DNAJC6: variants seen among roughly 807,000 people sequenced by gnomAD.
The protein encoded by DNAJC6 is auxilin.
DNAJC6 carries 34 observed loss-of-function variants against 110.0 expected under a neutral mutation model. That is an observed-to-expected ratio of 0.31 (90% CI 0.24 to 0.41). The LOEUF (loss-of-function observed/expected upper bound fraction) is 0.41, where lower values mean the gene tolerates loss of function less well. Ranked by LOEUF, DNAJC6 falls within the 10% of genes least tolerant of loss-of-function variation. The pLI is 1.00. For synonymous variants in DNAJC6, 406 were observed against 437.2 expected (o/e 0.93, Z 0.89); for missense variants, 1,031 against 1,207.8 (o/e 0.85, Z 2.17).
intron 15 of DNAJC6, among the ~76,000 whole-genome samples, chr1:65,404,340 AGTT>A (rs1301573074): frequency 6.6e-6 from 1 of 152,162 alleles, no homozygotes; most frequent in Non-Finnish European, 1.5e-5. Flanking sequence ...ACTTTCCTAT[AGTT>A]GTTGTGTCTT....
chr1:65,280,815 G>T (rs907706110), intron 1 of DNAJC6, among the ~76,000 whole-genome samples: 1 of 152,090 alleles, frequency 6.6e-6, no homozygotes, highest in African/African-American at 2.4e-5. Context: ...TTATTAGAGA[G>T]ATTTTCAGAC....
intron 15 of DNAJC6, 78 bp downstream of exon 15, chr1:65,401,958 C>T (rs1646033962): frequency 3.2e-6 from 5 of 1,577,020 alleles, no homozygotes; most frequent in East Asian, 2.3e-5. Context: ...TTTGGTGTTA[C>T]AGCAAGCTGG....
At position 65,309,662 on chromosome 1, in the gene DNAJC6, T is replaced by C; in HGVS notation, c.-84T>C. The C allele has an allele frequency of 6.9e-7, 1 of 1,452,454 alleles. No individual in the cohort carries two copies. 90.0% of individuals were successfully genotyped at this position (1,452,454 alleles called of 1,614,324 possible). ...CGGGCACTTAATTTTTTTTTTTTTT[T>C]AATTCCTTCTTCAGCCCTTTCCACC... On this transcript the variant is annotated 5_prime_UTR_variant, in exon 1 of 19. Transcript: ENST00000371069.
chr1:65,276,012 G>A (rs141648969), intron 1 of DNAJC6, among the ~76,000 whole-genome samples: 1 of 151,554 alleles, frequency 6.6e-6, no homozygotes, highest in African/African-American at 2.4e-5. Flanking sequence ...CTCCTGAGTA[G>A]CTGGGATTAC....
intron 17 of DNAJC6, among the ~76,000 whole-genome samples, chr1:65,409,061 C>G (rs1404887339): frequency 6.6e-6 from 1 of 152,054 alleles, no homozygotes; most frequent in Non-Finnish European, 1.5e-5. Context: ...TCCCTGTGTC[C>G]TCATAGGCAG....
intron 1 of DNAJC6, among the ~76,000 whole-genome samples, chr1:65,304,211 C>T (rs183712625): frequency 4.6e-5 from 7 of 152,026 alleles, no homozygotes; most frequent in Admixed American, 1.3e-4. Flanking sequence ...AAAAAAAAGC[C>T]CTACCTGGGA....
intron 1 of DNAJC6, among the ~76,000 whole-genome samples, chr1:65,355,882 C>CTT (rs372078909): frequency 0.03 from 2,480 of 82,774 alleles, 220 homozygotes; most frequent in African/African-American, 0.053. Flanking sequence ...AACAGCATGG[C>CTT]TTTTTTTTTT....
At chr1:65,381,021 T>C (rs1056026809) in intron 5 of DNAJC6, among the ~76,000 whole-genome samples, 6 of 144,816 alleles carry the variant, frequency 4.1e-5, no homozygotes, top group Admixed American at 2.9e-4. Flanking sequence ...CAGGTTCGAG[T>C]GATTCTCCTG....
chr1:65,377,218 G>A (rs1439414211), intron 4 of DNAJC6, among the ~76,000 whole-genome samples: 2 of 152,216 alleles, frequency 1.3e-5, no homozygotes, highest in South Asian at 2.1e-4. Flanking sequence ...TTGAACCTGG[G>A]TTTTAAAAGA....
chr1:65,341,238 C>G (rs1469769111), intron 1 of DNAJC6, among the ~76,000 whole-genome samples: 3 of 152,202 alleles, frequency 2.0e-5, no homozygotes, highest in African/African-American at 7.2e-5. Flanking sequence ...AATCTATAAG[C>G]TAGCCGTGGC....
intron 1 of DNAJC6, among the ~76,000 whole-genome samples, chr1:65,267,701 G>A (rs759934008): frequency 2.6e-5 from 4 of 152,102 alleles, no homozygotes; most frequent in Non-Finnish European, 5.9e-5. Context: ...GAGAAAGAGA[G>A]AGTCAATAGT....
chr1:65,369,321 T>G (rs1645683936), intron 4 of DNAJC6, among the ~76,000 whole-genome samples: 1 of 152,196 alleles, frequency 6.6e-6, no homozygotes, highest in Non-Finnish European at 1.5e-5. Context: ...ACATCTCTTT[T>G]CAAACTCCTA....
At chr1:65,388,865 G>A (rs1045995656) in intron 9 of DNAJC6, among the ~76,000 whole-genome samples, 1 of 152,118 alleles carries the variant, frequency 6.6e-6, no homozygotes, top group African/African-American at 2.4e-5. Flanking sequence ...TGGTCTAGGT[G>A]AACGCAGTTG....
intron 12 of DNAJC6, among the ~76,000 whole-genome samples, chr1:65,393,941 G>A (rs1407764483): frequency 6.6e-6 from 1 of 152,134 alleles, no homozygotes; most frequent in Non-Finnish European, 1.5e-5. Flanking sequence ...TGAGGCTCAA[G>A]CTCCAATGTT....
intron 1 of DNAJC6, chr1:65,278,983 C>G: frequency 1.0e-6 from 1 of 985,406 alleles, no homozygotes; most frequent in Non-Finnish European, 1.2e-6. Context: ...ATCCCCTTCC[C>G]CATGGCAGTT....
chr1:65,345,815 G>A (rs980424377), intron 1 of DNAJC6: 1 of 296,950 alleles, frequency 3.4e-6, no homozygotes, highest in Non-Finnish European at 5.0e-6. Flanking sequence ...GGCCAACCAA[G>A]CACAGAAGCC....
Position 65,391,356 on chromosome 1 carries a change from C to T in DNAJC6, c.1469-1075C>T, listed in dbSNP as rs1352439936. Among the ~76,000 whole-genome samples the T allele has an allele frequency of 1.1e-4, 17 of 152,246 alleles. No individual in the cohort carries two copies. In the East Asian group the frequency reaches 3.1e-3, roughly 28 times the overall value. ...TCCATACTTGACTTGGAATGTGGGT[C>T]TATCTGGCATTAAATATCAAATTTT... On this transcript the variant is annotated intron_variant, in intron 11 of 18. Transcript: ENST00000371069.
rs569737520 is a variant in DNAJC6, at chr1:65,373,302, C to T, written c.544-6100C>T. Among the ~76,000 whole-genome samples, 7 of 152,132 alleles carry T rather than the reference C, an allele frequency of 4.6e-5. No individual in the cohort carries two copies. The South Asian group carries it at 1.5e-3, about 32-fold the overall frequency. Reference sequence around the variant, plus strand: ...GCTTTATATTCGATATATTGATTTCCTTTCTTTTGGATATATACCCAGTAG... The same window carrying T: ...GCTTTATATTCGATATATTGATTTCTTTTCTTTTGGATATATACCCAGTAG... On this transcript the variant is annotated intron_variant, in intron 4 of 18. Coordinates refer to ENST00000371069, the MANE Select transcript of DNAJC6 (RefSeq NM_001256864.2).
intron 7 of DNAJC6, 41 bp from the exon 8 acceptor site, chr1:65,386,771 T>A (rs201152037): frequency 6.6e-7 from 1 of 1,518,576 alleles, no homozygotes; most frequent in East Asian, 2.3e-5. Context: ...TTGTACCAGA[T>A]TGGACTCTCT....
Sources: gnomAD v4.1 joint callset for allele counts (sites outside exome capture counted in the v4.1 genomes callset) on GRCh38, gnomAD v4.1.1 for gene constraint, MANE v1.5 for transcripts, NCBI Gene and HGNC (gene_info 2026-07-23, HGNC 2026-07-21) for gene names.